Variants in SH3PXD2A observed in about 807,000 individuals in gnomAD.
SH3PXD2A encodes SH3 and PX domain-containing protein 2A.
A neutral mutation model predicts 115.2 loss-of-function variants in SH3PXD2A; 32 were observed. That is an observed-to-expected ratio of 0.28 (90% confidence interval 0.21 to 0.37). The LOEUF is 0.37. Ranked by LOEUF, SH3PXD2A falls within the 10% of genes least tolerant of loss-of-function variation. SH3PXD2A has a pLI of 1.00. For missense variants in SH3PXD2A, 1,328 were observed against 1,498.7 expected, an observed-to-expected ratio of 0.89 and a Z score of 1.88; for synonymous variants, 610 against 629.1, an observed-to-expected ratio of 0.97 and a Z score of 0.45.
rs1331079094 is a variant in SH3PXD2A at position 103,597,607 on chromosome 10, C to T, written c.*4209G>A. 3 of 152,596 alleles carry T rather than the reference C, an allele frequency of 2.0e-5. No individual in the cohort carries two copies. Among genetic ancestry groups the T allele is most frequent in the Non-Finnish European group, 4.4e-5 (3 of 68,048 alleles). 9.5% of individuals were successfully genotyped at this position (152,596 alleles called of 1,614,324 possible). Reference sequence around the variant, plus strand: ...CCCAAAGAAGGGGGAGAGGAGAACGCCACAAGATCAAACTCCACCAACCCA... The same window carrying T: ...CCCAAAGAAGGGGGAGAGGAGAACGTCACAAGATCAAACTCCACCAACCCA... On this transcript the variant is annotated 3_prime_UTR_variant, in exon 15 of 15. Transcript: ENST00000369774.
intron 6 of SH3PXD2A, among the ~76,000 whole-genome samples, chr10:103,676,184 G>A (rs948563992): frequency 2.6e-5 from 4 of 152,230 alleles, no homozygotes; most frequent in African/African-American, 9.6e-5. Context: ...ATCCTCCCTG[G>A]CCACTGGCCA....
At position 103,666,199 on chromosome 10, in the gene SH3PXD2A, C is replaced by T. The variant is rs2037381666; in HGVS notation, c.472+2409G>A. On this transcript the variant is annotated intron_variant, in intron 7 of 14. Transcript: ENST00000369774. The surrounding 1 kb of genome is among the most constrained non-coding windows in gnomAD (Gnocchi z 4.5). ...CCCCAAGTTCCTTGATCCCCGTCCC[C>T]CACACCACCATTCAATACATCATTC... Among the ~76,000 whole-genome samples, 1 of 152,230 alleles carries T rather than the reference C, an allele frequency of 6.6e-6. No homozygotes were observed. The highest frequency in any genetic ancestry group is 1.5e-5 in the Non-Finnish European group (1 of 68,042).
intron 3 of SH3PXD2A, 39 bp downstream of exon 3, chr10:103,767,055 G>A: frequency 1.3e-6 from 2 of 1,509,964 alleles, no homozygotes; most frequent in Non-Finnish European, 1.8e-6. Flanking sequence ...GTCCTTCCCG[G>A]GTATCCCCCA....
At chr10:103,776,728 C>T (rs2038883492) in intron 2 of SH3PXD2A, among the ~76,000 whole-genome samples, 1 of 151,958 alleles carries the variant, frequency 6.6e-6, no homozygotes. Flanking sequence ...CCACATGATG[C>T]TCTCCCTGCG....
At chr10:103,732,335 T>C (rs2038330425) in intron 4 of SH3PXD2A, among the ~76,000 whole-genome samples, 1 of 152,250 alleles carries the variant, frequency 6.6e-6, no homozygotes, top group African/African-American at 2.4e-5. Context: ...CCATTAAATA[T>C]TAACTGCATT....
intron 7 of SH3PXD2A, 29 bp downstream of exon 7, chr10:103,668,579 C>CA: frequency 6.5e-7 from 1 of 1,544,874 alleles, no homozygotes; most frequent in Non-Finnish European, 8.8e-7. Context: ...CACACATGCT[C>CA]ACACACATGC....
chr10:103,660,985 C>CTCTCGTTCT lies in SH3PXD2A; in HGVS notation c.593_601dup (p.Lys198_Glu200dup). 6.2e-7 allele frequency: 1 copy of CTCTCGTTCT among 1,613,828 alleles called. No individual in the cohort carries two copies. The highest frequency in any genetic ancestry group is 1.1e-5 in the South Asian group (1 of 91,092). Reference sequence around the variant, plus strand: ...CGGCCATTGGCCAGGGCACTCACCGCTCTCGTTCTTCTCGATGACATCCAC... The same window carrying CTCTCGTTCT: ...CGGCCATTGGCCAGGGCACTCACCGCTCTCGTTCTTCTCGTTCTTCTCGATGACATCCAC... On this transcript the variant is annotated inframe_insertion, in exon 8 of 15. Coordinates refer to ENST00000369774, the MANE Select transcript of SH3PXD2A (RefSeq NM_001394015.1).
chr10:103,616,887 C>T (rs1360140314), intron 11 of SH3PXD2A, among the ~76,000 whole-genome samples: 1 of 152,276 alleles, frequency 6.6e-6, no homozygotes, highest in Admixed American at 6.5e-5. Context: ...AAACCAAATT[C>T]AGATGTGCTG....
At chr10:103,649,443 T>C (rs1328268702) in intron 8 of SH3PXD2A, among the ~76,000 whole-genome samples, 1 of 152,196 alleles carries the variant, frequency 6.6e-6, no homozygotes, top group Non-Finnish European at 1.5e-5. Flanking sequence ...GCTCTGCCCA[T>C]TAACATGACA....
intron 14 of SH3PXD2A, among the ~76,000 whole-genome samples, chr10:103,604,434 A>G (rs938440923): frequency 1.3e-5 from 2 of 152,216 alleles, no homozygotes; most frequent in Non-Finnish European, 2.9e-5. Context: ...TTTCCATGTT[A>G]GTATAAACTG....
rs1283745074 is a variant in SH3PXD2A at position 103,594,856 on chromosome 10, T to TAAA, written c.*6959_*6960insTTT. 6.6e-6 allele frequency: 1 copy of TAAA among 152,176 alleles called. No individual in the cohort carries two copies. The highest frequency in any genetic ancestry group is 1.5e-5 in the Non-Finnish European group (1 of 68,026). The allele number at this position is 152,176 out of a possible 1,614,324, so 9.4% of individuals were successfully genotyped here. A position where few individuals can be genotyped will look rare whatever the true frequency, so the allele number is the denominator to read the frequency against. On this transcript the variant is annotated 3_prime_UTR_variant, in exon 15 of 15. Coordinates refer to ENST00000369774, the MANE Select transcript of SH3PXD2A (RefSeq NM_001394015.1). ...ACTGAACCACCACAGGTGTCAGAGA[T>TAAA]ACTTGAGAATGACTGGTACCAACAA...
At chr10:103,643,678 G>T (rs1416561334) in intron 8 of SH3PXD2A, among the ~76,000 whole-genome samples, 1 of 152,180 alleles carries the variant, frequency 6.6e-6, no homozygotes, top group Non-Finnish European at 1.5e-5. Context: ...ACCCAATGTG[G>T]AGTGAAAGAG....
intron 1 of SH3PXD2A, among the ~76,000 whole-genome samples, chr10:103,845,330 CAAA>C (rs371956451): frequency 2.6e-5 from 1 of 37,834 alleles, no homozygotes; most frequent in Non-Finnish European, 7.8e-5. Context: ...GACTTCATCT[CAAA>C]AAAAAAAAAA....
At position 103,603,561 on chromosome 10, in the gene SH3PXD2A, A is replaced by G. The variant is rs765018486; in HGVS notation, c.1657T>C (p.Tyr553His). 2 of 1,612,382 alleles carry G rather than the reference A, an allele frequency of 1.2e-6. No homozygotes were observed. Among genetic ancestry groups the G allele is most frequent in the Admixed American group, 1.7e-5 (1 of 59,866 alleles). Residue 553 changes from tyrosine to histidine, a missense_variant, in exon 15 of 15, where the codon TAT becomes CAT. Tyr to His is a moderately conservative substitution (Grantham distance 83). This residue lies in a region of SH3PXD2A where 509 missense variants were observed against 628.3 expected (regional missense o/e 0.81). Coordinates refer to ENST00000369774, the MANE Select transcript of SH3PXD2A (RefSeq NM_001394015.1). ...ESQDSPRKLK[Y>H]EEPEYDIPAF... ...GGGATGTCATACTCAGGCTCCTCAT[A>G]CTTGAGCTTCCGCGGGGAGTCCTGG... is the stretch of plus-strand genomic sequence containing the variant.
intron 7 of SH3PXD2A, among the ~76,000 whole-genome samples, chr10:103,664,157 G>A (rs975468051): frequency 6.6e-6 from 1 of 152,148 alleles, no homozygotes; most frequent in Non-Finnish European, 1.5e-5. Flanking sequence ...AAGCGCACCC[G>A]GCACAAAAAG....
intron 6 of SH3PXD2A, among the ~76,000 whole-genome samples, chr10:103,678,419 T>C (rs1013445302): frequency 6.6e-6 from 1 of 151,960 alleles, no homozygotes; most frequent in African/African-American, 2.4e-5. Context: ...GATGAGAGGG[T>C]CGGGAGTGTG....
chr10:103,809,440 A>C (rs1188732306), intron 1 of SH3PXD2A, among the ~76,000 whole-genome samples: 1 of 152,154 alleles, frequency 6.6e-6, no homozygotes, highest in Non-Finnish European at 1.5e-5. Context: ...AGAACCACAC[A>C]TCCACCAGTC....
chr10:103,698,677 G>A (rs1474593916), intron 5 of SH3PXD2A, among the ~76,000 whole-genome samples: 2 of 152,088 alleles, frequency 1.3e-5, no homozygotes, highest in East Asian at 1.9e-4. Flanking sequence ...TTAAGCTCTC[G>A]CTGTAGGCAA....
chr10:103,617,567 C>G (rs2036538363), intron 10 of SH3PXD2A, among the ~76,000 whole-genome samples: 2 of 152,198 alleles, frequency 1.3e-5, no homozygotes, highest in Middle Eastern at 3.2e-3. Flanking sequence ...CAGGCAAGGC[C>G]CTGGGAGCAG....
Sources: allele counts gnomAD v4.1 joint callset (sites outside exome capture counted in the v4.1 genomes callset), GRCh38; gene constraint gnomAD v4.1.1; regional missense constraint gnomAD v4.1.1; non-coding constraint Gnocchi (gnomAD v3.1); transcripts MANE v1.5; gene names NCBI Gene and HGNC (gene_info 2026-07-23, HGNC 2026-07-21).